The following KLF17 variants were observed in gnomAD, a reference collection of about 807,000 sequenced individuals.
The protein encoded by KLF17 is KLF transcription factor 17.
In KLF17, 31 loss-of-function variants were observed where a neutral mutation model predicts 34.2. The observed-to-expected ratio is 0.91, with a 90% CI of 0.68 to 1.22. KLF17 has a LOEUF of 1.22. Ranked by LOEUF, KLF17 falls within the 50% of genes most tolerant of loss-of-function variation. KLF17 has a pLI of 0.00. For missense variants in KLF17, 478 were observed against 505.2 expected (o/e 0.95, Z 0.52); for synonymous variants, 179 against 186.7 (o/e 0.96, Z 0.34).
At chr1:44,128,739 G>A (rs1216354576) in intron 1 of KLF17, among the ~76,000 whole-genome samples, 2 of 152,136 alleles carry the variant, frequency 1.3e-5, no homozygotes, top group Non-Finnish European at 2.9e-5. Context: ...TGGGCCAGGC[G>A]CGGTGGCTCA....
the KLF17 span, among the ~76,000 whole-genome samples, chr1:44,108,362 C>T: frequency 1.3e-5 from 2 of 152,276 alleles, no homozygotes; most frequent in South Asian, 4.1e-4. Flanking sequence ...CTGACTGTTT[C>T]CCCATTTTTC....
chr1:44,070,163 C>T, the KLF17 span, among the ~76,000 whole-genome samples: 1 of 152,186 alleles, frequency 6.6e-6, no homozygotes, highest in Non-Finnish European at 1.5e-5. Context: ...AAATCTCCCT[C>T]TACCAAACCT....
chr1:44,072,225 G>A, the KLF17 span, among the ~76,000 whole-genome samples: 2 of 152,046 alleles, frequency 1.3e-5, no homozygotes, highest in African/African-American at 4.8e-5. Context: ...ACTGAGATGG[G>A]AAGATAGTGG....
At chr1:44,077,029 C>T in the KLF17 span, among the ~76,000 whole-genome samples, 1 of 150,558 alleles carries the variant, frequency 6.6e-6, no homozygotes, top group South Asian at 2.1e-4. Context: ...GCCACTGCAC[C>T]CAGCCTTTTT....
chr1:44,056,516 C>A, the KLF17 span, among the ~76,000 whole-genome samples: 2 of 152,142 alleles, frequency 1.3e-5, no homozygotes, highest in Admixed American at 6.6e-5. Context: ...TGATCATGAG[C>A]CTTTGAATTG....
At chr1:44,081,595 T>A in the KLF17 span, among the ~76,000 whole-genome samples, 2 of 151,922 alleles carry the variant, frequency 1.3e-5, no homozygotes, top group African/African-American at 2.4e-5. Flanking sequence ...TTTGTATTTT[T>A]TTTCCCATAG....
chr1:44,107,457 G>A, the KLF17 span, among the ~76,000 whole-genome samples: 1 of 152,164 alleles, frequency 6.6e-6, no homozygotes, highest in African/African-American at 2.4e-5. Context: ...TGCGGTTTCA[G>A]TTACCTGAGG....
At chr1:44,122,785 G>C (rs2154311470) in intron 1 of KLF17, among the ~76,000 whole-genome samples, 1 of 152,236 alleles carries the variant, frequency 6.6e-6, no homozygotes, top group Admixed American at 6.5e-5. Context: ...TTTTAGTAGA[G>C]ACAGGGTTTT....
At chr1:44,091,260 A>G in the KLF17 span, among the ~76,000 whole-genome samples, 1 of 152,132 alleles carries the variant, frequency 6.6e-6, no homozygotes, top group African/African-American at 2.4e-5. Flanking sequence ...ACATTTTTAC[A>G]AATCTGTTAA....
the KLF17 span, chr1:44,048,543 C>CTT: frequency 1.3e-5 from 2 of 152,184 alleles, no homozygotes; most frequent in Non-Finnish European, 2.9e-5. Context: ...GTACTGCACT[C>CTT]TTTTTGTGTT....
intron 1 of KLF17, chr1:44,122,182 C>G: frequency 1.9e-6 from 3 of 1,595,104 alleles, no homozygotes; most frequent in Non-Finnish European, 2.6e-6. Context: ...CTTCCTCTGC[C>G]ACGGCCACGT....
intron 1 of KLF17, among the ~76,000 whole-genome samples, chr1:44,123,194 G>A (rs985681664): frequency 6.6e-6 from 1 of 152,034 alleles, no homozygotes; most frequent in African/African-American, 2.4e-5. Context: ...GAGTAGCTGG[G>A]ACTACAGACA....
At chr1:44,094,698 A>T in the KLF17 span, among the ~76,000 whole-genome samples, 14 of 152,148 alleles carry the variant, frequency 9.2e-5, no homozygotes, top group African/African-American at 3.1e-4. Context: ...TCCACTGGGC[A>T]ATGTGTCTGT....
At chr1:44,077,209 G>A in the KLF17 span, among the ~76,000 whole-genome samples, 2 of 152,172 alleles carry the variant, frequency 1.3e-5, no homozygotes, top group East Asian at 3.9e-4. Flanking sequence ...GCCAGTTGTG[G>A]TGGTGTGCGC....
At chr1:44,128,428 C>T (rs1021199831) in intron 1 of KLF17, among the ~76,000 whole-genome samples, 2 of 152,208 alleles carry the variant, frequency 1.3e-5, no homozygotes, top group Admixed American at 6.5e-5. Context: ...TCTTACCCTT[C>T]ATGCAAGTCA....
At chr1:44,100,912 G>A in the KLF17 span, among the ~76,000 whole-genome samples, 1 of 152,088 alleles carries the variant, frequency 6.6e-6, no homozygotes. Context: ...CACATTTTTA[G>A]GTTGATATCT....
upstream of KLF17, among the ~76,000 whole-genome samples, chr1:44,116,102 A>G (rs2087877093): frequency 6.6e-6 from 1 of 152,186 alleles, no homozygotes; most frequent in Non-Finnish European, 1.5e-5. Context: ...AATATTTCCT[A>G]AATGCCATGT....
the KLF17 span, among the ~76,000 whole-genome samples, chr1:44,099,480 G>T: frequency 1.3e-5 from 2 of 151,100 alleles, no homozygotes; most frequent in Non-Finnish European, 2.9e-5. Flanking sequence ...AAAATAGACA[G>T]GAAATAAATG....
chr1:44,045,552 TG>T, the KLF17 span, among the ~76,000 whole-genome samples: 7 of 152,226 alleles, frequency 4.6e-5, no homozygotes, highest in African/African-American at 1.7e-4. Context: ...ACATCATGTT[TG>T]GGGCTTGACA....
Sources: gnomAD v4.1 joint callset for allele counts (sites outside exome capture counted in the v4.1 genomes callset) on GRCh38, gnomAD v4.1.1 for gene constraint, MANE v1.5 for transcripts, NCBI Gene and HGNC (gene_info 2026-07-23, HGNC 2026-07-21) for gene names.